RAB40C: variants seen among roughly 807,000 people sequenced by gnomAD.
RAB40C encodes the protein RAB40C, member RAS oncogene family.
Under a neutral mutation model 28.1 loss-of-function variants are expected in RAB40C, and 8 were observed. The observed-to-expected ratio is 0.28, with a 90% confidence interval of 0.17 to 0.51. The LOEUF is 0.51. Among genes scored for constraint, RAB40C ranks in the 20% least tolerant of loss-of-function variants. The probability of loss-of-function intolerance (pLI) is 0.97; values close to 1 mark genes in which losing one functional copy is unlikely to be tolerated. For missense variants in RAB40C, 288 were observed against 405.9 expected (o/e 0.71, Z 2.50); for synonymous variants, 201 against 171.7 (o/e 1.17, Z -1.34).
chr16:609,909 T>C (rs1035515536), intron 1 of RAB40C, among the ~76,000 whole-genome samples: 2 of 152,020 alleles, frequency 1.3e-5, no homozygotes, highest in Non-Finnish European at 2.9e-5. Flanking sequence ...GTCTCCAGAC[T>C]GCAAGGGCCA....
intron 1 of RAB40C, among the ~76,000 whole-genome samples, chr16:594,929 C>A (rs2036081403): frequency 6.6e-6 from 1 of 151,748 alleles, no homozygotes; most frequent in Non-Finnish European, 1.5e-5. Context: ...AAGTGATTCT[C>A]CTGTCTCAGC....
Position 617,213 on chromosome 16 carries a change from G to A in RAB40C, c.148G>A (p.Asp50Asn), listed in dbSNP as rs369008599. The A allele has an allele frequency of 2.5e-6, 4 of 1,613,750 alleles. No homozygotes were observed. Among genetic ancestry groups the A allele is most frequent in the Non-Finnish European group, 3.4e-6 (4 of 1,180,006 alleles). The change falls in exon 2 of 6, where the codon GAC becomes AAC. Residue 50 changes from aspartate to asparagine, a missense_variant. Transcript: ENST00000248139. ...ESPYAYSNGI[D>N]YKTTTILLDG... is the part of the protein sequence containing the mutation. ...CGCCCTGTGCTTCCTCGCAGGGATC[G>A]ACTACAAGACCACCACCATCCTGCT...
At chr16:618,178 C>A in intron 2 of RAB40C, 22 bp from the exon 3 acceptor site, 1 of 1,610,442 alleles carries the variant, frequency 6.2e-7, no homozygotes, top group Non-Finnish European at 8.5e-7. Flanking sequence ...GTCCCGGCCC[C>A]TCCCCTCCCC....
intron 1 of RAB40C, among the ~76,000 whole-genome samples, chr16:608,410 C>T (rs1246556886): frequency 2.6e-5 from 4 of 152,178 alleles, no homozygotes; most frequent in Non-Finnish European, 5.9e-5. Context: ...CTGCTTAGCT[C>T]CCACCTCGTC....
In RAB40C at chr16:594,907, C is replaced by T. The variant is rs566589906; in HGVS notation, c.142+4474C>T. On this transcript the variant is annotated intron_variant, in intron 1 of 5. Coordinates refer to ENST00000248139, the MANE Select transcript of RAB40C (RefSeq NM_021168.5). ...CGATCTCGGCTCACTGCAACCTCTG[C>T]CTTCTGGGTTCAAGTGATTCTCCTG... is the stretch of plus-strand genomic sequence containing the variant. Among the ~76,000 whole-genome samples, 185 of 151,662 alleles carry T rather than the reference C, an allele frequency of 1.2e-3. 1 individual carries two copies. Among genetic ancestry groups the T allele is most frequent in the African/African-American group, 4.3e-3 (176 of 41,274 alleles).
intron 3 of RAB40C, among the ~76,000 whole-genome samples, chr16:619,176 A>C (rs1159469681): frequency 7.5e-6 from 1 of 133,828 alleles, no homozygotes; most frequent in Non-Finnish European, 1.6e-5. Context: ...GTGTGTGTGC[A>C]CAGGTGTAGT....
chr16:627,474 C>T lies in RAB40C; in HGVS notation c.698C>T (p.Ala233Val), dbSNP rs1488002534. 2 of 1,613,992 alleles carry T rather than the reference C, an allele frequency of 1.2e-6. No individual in the cohort carries two copies. Among genetic ancestry groups the T allele is most frequent in the South Asian group, 2.2e-5 (2 of 91,090 alleles). ...TTCTCGATGGCCAACGGCATGAACG[C>T]GGTCATGATGCACGGCCGTTCCTAC... ...KSFSMANGMN[A>V]VMMHGRSYSL... Residue 233 changes from alanine to valine, a missense_variant, in exon 6 of 6, where the codon GCG becomes GTG. Coordinates refer to ENST00000248139, the MANE Select transcript of RAB40C (RefSeq NM_021168.5).
At chr16:623,993 T>C (rs762524168) in intron 3 of RAB40C, 63 of 985,296 alleles carry the variant, frequency 6.4e-5, no homozygotes, top group Non-Finnish European at 6.7e-5. Context: ...CTCACCTGGG[T>C]TGCACATCTC....
Position 629,140 on chromosome 16 carries a change from C to G in RAB40C, c.*1518C>G. The G allele has an allele frequency of 5.9e-6, 1 of 169,928 alleles. No individual in the cohort carries two copies. The highest frequency in any genetic ancestry group is 1.3e-5 in the Non-Finnish European group (1 of 77,490). The allele number at this position is 169,928 out of a possible 1,614,324, so 10.5% of individuals were successfully genotyped here. A position where few individuals can be genotyped will look rare whatever the true frequency, so the allele number is the denominator to read the frequency against. Reference sequence around the variant, plus strand: ...TGTTTGGGATTATGAACAAACCTCACAGACTTTGAGGACCTGGATGGTCCT... The same window carrying G: ...TGTTTGGGATTATGAACAAACCTCAGAGACTTTGAGGACCTGGATGGTCCT... On this transcript the variant is annotated 3_prime_UTR_variant, in exon 6 of 6. Transcript: ENST00000248139.
chr16:627,595 C>T lies in RAB40C; in HGVS notation c.819C>T (p.Cys273=). The part of the protein sequence containing the change: ...IRPPQSPPQN[C]SRSNCKIS Reference sequence around the variant, plus strand: ...CACCCCAGAGCCCCCCCCAGAACTGCTCGCGGAGTAACTGCAAGATCTCCT... The same window carrying T: ...CACCCCAGAGCCCCCCCCAGAACTGTTCGCGGAGTAACTGCAAGATCTCCT... Residue 273 remains cysteine, a synonymous_variant, in exon 6 of 6, where the codon TGC becomes TGT. Transcript: ENST00000248139. 6.3e-7 allele frequency: 1 copy of T among 1,597,474 alleles called. No homozygotes were observed. Among genetic ancestry groups the T allele is most frequent in the Non-Finnish European group, 8.5e-7 (1 of 1,170,084 alleles).
At chr16:626,338 C>T (rs536294315) in intron 5 of RAB40C, among the ~76,000 whole-genome samples, 1 of 152,330 alleles carries the variant, frequency 6.6e-6, no homozygotes, top group East Asian at 1.9e-4. Context: ...GCTGATGACC[C>T]CCCCTCAGGG....
chr16:620,641 C>T (rs2036691885), intron 3 of RAB40C, among the ~76,000 whole-genome samples: 2 of 106,322 alleles, frequency 1.9e-5, no homozygotes, highest in African/African-American at 7.5e-5. Flanking sequence ...GGCTCCACCG[C>T]GGGCATCCCA....
At chr16:603,652 C>T (rs906637135) in intron 1 of RAB40C, among the ~76,000 whole-genome samples, 1 of 151,754 alleles carries the variant, frequency 6.6e-6, no homozygotes, top group African/African-American at 2.4e-5. Context: ...ATAAATGTAC[C>T]CTCTTTGCAT....
At chr16:624,623 T>C in intron 3 of RAB40C, 1 of 985,370 alleles carries the variant, frequency 1.0e-6, no homozygotes, top group Non-Finnish European at 1.2e-6. Context: ...GCCTCTTGTG[T>C]GATAGGCTCT....
At chr16:623,913 C>G in intron 3 of RAB40C, 1 of 974,642 alleles carries the variant, frequency 1.0e-6, no homozygotes, top group Non-Finnish European at 1.2e-6. Flanking sequence ...CCCAGCCTGG[C>G]TGACAGAGTG....
intron 3 of RAB40C, chr16:623,840 C>G (rs1373719881): frequency 1.8e-6 from 1 of 559,554 alleles, no homozygotes; most frequent in Non-Finnish European, 2.3e-6. Context: ...TTCCCAGCCA[C>G]TCAGGAAGCT....
intron 1 of RAB40C, among the ~76,000 whole-genome samples, chr16:600,700 C>T (rs1057326277): frequency 2.6e-5 from 4 of 152,048 alleles, no homozygotes; most frequent in African/African-American, 7.2e-5. Flanking sequence ...TGCAGTGAGC[C>T]GAGTTTGCAC....
intron 1 of RAB40C, among the ~76,000 whole-genome samples, chr16:607,991 G>A (rs2036399332): frequency 6.6e-6 from 1 of 150,722 alleles, no homozygotes; most frequent in Non-Finnish European, 1.5e-5. Flanking sequence ...CAGGCAACGT[G>A]CTGTGCCCGT....
intron 3 of RAB40C, among the ~76,000 whole-genome samples, chr16:619,522 A>G (rs1320409728): frequency 6.6e-6 from 1 of 152,218 alleles, no homozygotes; most frequent in African/African-American, 2.4e-5. Context: ...AAGCCCATGT[A>G]AACAGACCTG....
Sources: allele counts gnomAD v4.1 joint callset (sites outside exome capture counted in the v4.1 genomes callset), GRCh38; gene constraint gnomAD v4.1.1; transcripts MANE v1.5; gene names NCBI Gene and HGNC (gene_info 2026-07-23, HGNC 2026-07-21).